The following TENM4 variants were observed in gnomAD, a reference collection of about 807,000 sequenced individuals.
TENM4 encodes the protein teneurin transmembrane protein 4.
A neutral mutation model predicts 243.3 loss-of-function variants in TENM4; 82 were observed. The ratio of observed to expected loss-of-function variants is 0.34; its 90% CI spans 0.28 to 0.40. TENM4 has a LOEUF of 0.40. Ranked by LOEUF, TENM4 falls within the 10% of genes least tolerant of loss-of-function variation. The pLI, the probability that TENM4 is intolerant of heterozygous loss-of-function variation, is 1.00. For missense variants in TENM4, 3,138 were observed against 3,673.3 expected (o/e 0.85, Z 3.77); for synonymous variants, 1,412 against 1,456.3 (o/e 0.97, Z 0.69).
intron 3 of TENM4, among the ~76,000 whole-genome samples, chr11:79,170,731 T>C (rs1266151987): frequency 1.3e-5 from 2 of 152,230 alleles, no homozygotes; most frequent in Non-Finnish European, 2.9e-5. Flanking sequence ...GCAACCCTGC[T>C]GACACCTGCC....
intron 2 of TENM4, among the ~76,000 whole-genome samples, chr11:79,244,235 C>T (rs1440139136): frequency 6.6e-6 from 1 of 152,206 alleles, no homozygotes; most frequent in African/African-American, 2.4e-5. Flanking sequence ...TTCCAAGAAT[C>T]ATTGCCCTAC....
chr11:78,964,219 T>C (rs1374575077), intron 6 of TENM4, among the ~76,000 whole-genome samples: 1 of 151,628 alleles, frequency 6.6e-6, no homozygotes, highest in Non-Finnish European at 1.5e-5. Context: ...ATTTTTGTAT[T>C]TTTAGTAGAG....
intron 2 of TENM4, among the ~76,000 whole-genome samples, chr11:79,239,640 T>C (rs995443828): frequency 1.3e-5 from 2 of 152,194 alleles, no homozygotes; most frequent in African/African-American, 4.8e-5. Context: ...GTCCCTGTGC[T>C]CAAGAAGAAC....
chr11:79,255,730 C>A (rs1855690445), intron 2 of TENM4, among the ~76,000 whole-genome samples: 1 of 152,096 alleles, frequency 6.6e-6, no homozygotes, highest in Non-Finnish European at 1.5e-5. Flanking sequence ...ATTAAAAATC[C>A]TTTATTCTTT....
At chr11:79,029,782 A>G (rs1330651571) in intron 6 of TENM4, among the ~76,000 whole-genome samples, 2 of 152,238 alleles carry the variant, frequency 1.3e-5, no homozygotes, top group Admixed American at 1.3e-4. Flanking sequence ...TGTGACAAGT[A>G]GCTTTCTCTA....
intron 2 of TENM4, among the ~76,000 whole-genome samples, chr11:79,261,201 C>G (rs1172992878): frequency 6.6e-6 from 1 of 152,146 alleles, no homozygotes; most frequent in Admixed American, 6.5e-5. Flanking sequence ...GAAGTACGAC[C>G]CCCTGACCCT....
In TENM4 at chr11:79,046,450, C is replaced by T. The variant is rs180729842; in HGVS notation, c.493+18288G>A. Among the ~76,000 whole-genome samples the T allele has an allele frequency of 2.1e-3, 311 of 149,650 alleles. 2 individuals are homozygous for T. The highest frequency in any genetic ancestry group is 7.8e-3 in the African/African-American group (305 of 39,054). Reference sequence around the variant, plus strand: ...CATCTGTTATGGGATGAACTCTCCCCCCCAAAAAAACGACAAGTTGAAGTG... The same window carrying T: ...CATCTGTTATGGGATGAACTCTCCCTCCCAAAAAAACGACAAGTTGAAGTG... On this transcript the variant is annotated intron_variant, in intron 6 of 33. Coordinates refer to ENST00000278550, the MANE Select transcript of TENM4 (RefSeq NM_001098816.3).
intron 3 of TENM4, among the ~76,000 whole-genome samples, chr11:79,163,279 C>T (rs988838439): frequency 3.9e-5 from 6 of 152,038 alleles, no homozygotes; most frequent in African/African-American, 1.5e-4. Flanking sequence ...ATGAATATAA[C>T]AATTGTTATA....
intron 29 of TENM4, among the ~76,000 whole-genome samples, chr11:78,687,519 T>A (rs1858715807): frequency 6.6e-6 from 1 of 152,076 alleles, no homozygotes; most frequent in Non-Finnish European, 1.5e-5. Context: ...AGGCAGATAA[T>A]TAACAGCAAG....
intron 1 of TENM4, among the ~76,000 whole-genome samples, chr11:79,306,412 C>T (rs61883566): frequency 0.14 from 20,775 of 152,008 alleles, 1,500 homozygotes; most frequent in African/African-American, 0.18. Flanking sequence ...CCTTGATAGT[C>T]AAAGGATGAG....
At chr11:78,835,121 G>A (rs1488813795) in intron 12 of TENM4, among the ~76,000 whole-genome samples, 1 of 152,110 alleles carries the variant, frequency 6.6e-6, no homozygotes, top group African/African-American at 2.4e-5. Flanking sequence ...GGGCGGTGAG[G>A]CATGTAACAG....
In TENM4 at chr11:79,178,514, A is replaced by AG. The variant is rs78197882; in HGVS notation, c.-162-29709dup. 1.4e-3 allele frequency among the ~76,000 whole-genome samples: 217 copies of AG among 152,332 alleles called. 7 individuals carry two copies. The East Asian group carries it at 0.039, about 28-fold the overall frequency. ...GTGAGTAGTGTGGTGAGGCAGAACC[A>AG]GGGGAGAGCAGAGACCCTCAGCAAA... is the stretch of plus-strand genomic sequence containing the variant. On this transcript the variant is annotated intron_variant, in intron 3 of 33. Transcript: ENST00000278550.
chr11:78,900,469 G>T (rs1399882496), intron 7 of TENM4, among the ~76,000 whole-genome samples: 1 of 152,106 alleles, frequency 6.6e-6, no homozygotes, highest in South Asian at 2.1e-4. Context: ...CAACTCCTTT[G>T]GGGCGAGTAG....
intron 6 of TENM4, among the ~76,000 whole-genome samples, chr11:79,039,684 G>T (rs887427362): frequency 6.6e-6 from 1 of 152,176 alleles, no homozygotes; most frequent in Non-Finnish European, 1.5e-5. Flanking sequence ...CCTAATACAT[G>T]TGGGGCTTAA....
At chr11:78,878,153 C>T (rs1859319139) in intron 9 of TENM4, among the ~76,000 whole-genome samples, 1 of 152,184 alleles carries the variant, frequency 6.6e-6, no homozygotes, top group Non-Finnish European at 1.5e-5. Context: ...TCTATTCTTT[C>T]CTTTTTCTTT....
At chr11:79,023,219 A>C (rs1020456068) in intron 6 of TENM4, among the ~76,000 whole-genome samples, 12 of 152,028 alleles carry the variant, frequency 7.9e-5, no homozygotes, top group Non-Finnish European at 1.8e-4. Flanking sequence ...AAATGCCACC[A>C]CCCTCACATT....
intron 6 of TENM4, among the ~76,000 whole-genome samples, chr11:79,034,431 C>T (rs1859324544): frequency 6.6e-6 from 1 of 152,144 alleles, no homozygotes; most frequent in Non-Finnish European, 1.5e-5. Flanking sequence ...CCTTATTAAC[C>T]TCCAGCACTC....
At chr11:78,890,885 C>T (rs1389557727) in intron 8 of TENM4, among the ~76,000 whole-genome samples, 1 of 152,182 alleles carries the variant, frequency 6.6e-6, no homozygotes. Context: ...TAGGGCAAAC[C>T]CACCCCTATT....
Position 78,669,379 on chromosome 11 carries a change from C to A in TENM4, c.6966G>T (p.Lys2322Asn). ...FFYADLTNPT[K>N]VTHLYNHSSS... ...TGGAGTGGTTGTACAGGTGGGTGAC[C>A]TTGGTGGGGTTGGTCAGGTCTGCAT... The change falls in exon 32 of 34, where the codon AAG becomes AAT. Residue 2322 changes from lysine (K) to asparagine (N), a missense_variant. Physicochemically the swap from Lys to Asn is moderately conservative, Grantham distance 94. Transcript: ENST00000278550. This position sits in a 1 kb window ranked among gnomAD's most constrained non-coding sequence, Gnocchi z 6.4. 6.2e-7 allele frequency: 1 copy of A among 1,613,632 alleles called. No individual in the cohort carries two copies. The highest frequency in any genetic ancestry group is 8.5e-7 in the Non-Finnish European group (1 of 1,179,732).
Sources: allele counts gnomAD v4.1 joint callset (sites outside exome capture counted in the v4.1 genomes callset), GRCh38; gene constraint gnomAD v4.1.1; non-coding constraint Gnocchi (gnomAD v3.1); transcripts MANE v1.5; gene names NCBI Gene and HGNC (gene_info 2026-07-23, HGNC 2026-07-21).